Variants in RBFOX1 observed in about 807,000 individuals in gnomAD.
RBFOX1 encodes the protein RNA binding fox-1 homolog 1, also known as RNA binding protein fox-1 homolog 1.
Under a neutral mutation model 57.7 loss-of-function variants are expected in RBFOX1, and 8 were observed. That is an observed-to-expected ratio of 0.14 (90% confidence interval 0.08 to 0.25). RBFOX1 has a LOEUF of 0.25. Among genes scored for constraint, RBFOX1 ranks in the 10% least tolerant of loss-of-function variants. RBFOX1 has a pLI of 1.00. For synonymous variants in RBFOX1, 326 were observed against 222.4 expected (o/e 1.47, Z -4.15); for missense variants, 611 against 548.5 (o/e 1.11, Z -1.14).
intron 3 of RBFOX1, among the ~76,000 whole-genome samples, chr16:6,786,317 C>T (rs973190700): frequency 6.6e-5 from 10 of 152,138 alleles, no homozygotes; most frequent in Non-Finnish European, 1.3e-4. Flanking sequence ...ATTCTTCCCA[C>T]ATTACAAAGG....
chr16:5,693,333 A>C (rs944324506), intron 3 of RBFOX1, among the ~76,000 whole-genome samples: 12 of 150,714 alleles, frequency 8.0e-5, no homozygotes, highest in East Asian at 5.9e-4. Context: ...GTTTACAAAT[A>C]GTATGACTAT....
chr16:5,738,653 A>AAG (rs2052667455), intron 3 of RBFOX1, among the ~76,000 whole-genome samples: 1 of 151,702 alleles, frequency 6.6e-6, no homozygotes, highest in South Asian at 2.1e-4. Flanking sequence ...AAAAAAAAAA[A>AAG]AAGGGAAATC....
At chr16:6,819,961 C>T (rs563801010) in intron 3 of RBFOX1, among the ~76,000 whole-genome samples, 1 of 152,208 alleles carries the variant, frequency 6.6e-6, no homozygotes, top group East Asian at 1.9e-4. Flanking sequence ...TTTCACTCAT[C>T]CTCTGGCTGT....
At chr16:5,587,570 A>G (rs1317634861) in intron 2 of RBFOX1, among the ~76,000 whole-genome samples, 3 of 152,152 alleles carry the variant, frequency 2.0e-5, no homozygotes, top group East Asian at 1.9e-4. Flanking sequence ...AAAATTGGCC[A>G]GGCCTGGTGG....
chr16:5,534,647 C>A (rs142896981), intron 2 of RBFOX1, among the ~76,000 whole-genome samples: 1 of 152,252 alleles, frequency 6.6e-6, no homozygotes, highest in East Asian at 1.9e-4. Flanking sequence ...TGCTGGCATC[C>A]GATTAGATGG....
chr16:5,656,533 A>G (rs930181126), intron 3 of RBFOX1, among the ~76,000 whole-genome samples: 2 of 152,344 alleles, frequency 1.3e-5, no homozygotes, highest in East Asian at 1.9e-4. Context: ...CTGTGAAACC[A>G]TCACCACATC....
chr16:6,999,411 C>G (rs1403519416), intron 3 of RBFOX1, among the ~76,000 whole-genome samples: 1 of 150,822 alleles, frequency 6.6e-6, no homozygotes, highest in African/African-American at 2.4e-5. Flanking sequence ...TTTGGTGATA[C>G]TTAAACTCAT....
At chr16:6,564,407 C>T (rs918241053) in intron 2 of RBFOX1, among the ~76,000 whole-genome samples, 3 of 152,108 alleles carry the variant, frequency 2.0e-5, no homozygotes, top group Non-Finnish European at 4.4e-5. Context: ...TTGCAGTGAG[C>T]CGAGATCGTG....
At position 6,302,865 on chromosome 16, in the gene RBFOX1, C is replaced by A. The variant is rs190280706; in HGVS notation, c.-126-14130C>A. 3.5e-4 allele frequency among the ~76,000 whole-genome samples: 53 copies of A among 152,082 alleles called. No individual in the cohort carries two copies. The East Asian group carries it at 9.5e-3, about 27-fold the overall frequency. ...TATTTTTAAGACATTTTTCAGAATA[C>A]TAAGGGAGGGTTTTTAGGTATAAAG... is the stretch of plus-strand genomic sequence containing the variant. On this transcript the variant is annotated intron_variant, in intron 1 of 15. Coordinates refer to ENST00000550418, the MANE Select transcript of RBFOX1 (RefSeq NM_018723.4).
intron 1 of RBFOX1, among the ~76,000 whole-genome samples, chr16:5,271,800 CTG>C (rs1186891857): frequency 2.0e-5 from 3 of 152,206 alleles, no homozygotes; most frequent in African/African-American, 7.2e-5. Flanking sequence ...CTCTCTATTT[CTG>C]TGAGTTCAAC....
chr16:5,673,491 C>T (rs562308005), intron 3 of RBFOX1, among the ~76,000 whole-genome samples: 1 of 152,294 alleles, frequency 6.6e-6, no homozygotes, highest in South Asian at 2.1e-4. Flanking sequence ...AGTCCATTTC[C>T]ATGTTCAAGC....
At chr16:7,508,890 G>A (rs910412545) in intron 4 of RBFOX1, among the ~76,000 whole-genome samples, 12 of 152,220 alleles carry the variant, frequency 7.9e-5, no homozygotes, top group African/African-American at 2.9e-4. Flanking sequence ...GAGCCTTGGT[G>A]ATAAGCAGCT....
chr16:5,411,849 C>A (rs1319635320), intron 1 of RBFOX1, among the ~76,000 whole-genome samples: 1 of 152,084 alleles, frequency 6.6e-6, no homozygotes, highest in African/African-American at 2.4e-5. Context: ...CACCACTGCA[C>A]TCCAGCCTGG....
intron 3 of RBFOX1, among the ~76,000 whole-genome samples, chr16:5,716,038 A>G (rs2051686408): frequency 6.6e-6 from 1 of 152,214 alleles, no homozygotes; most frequent in East Asian, 1.9e-4. Context: ...GAATAAGGAT[A>G]ATATTTTAAA....
At position 7,034,853 on chromosome 16, in the gene RBFOX1, T is replaced by TTTTTTTTATTTA. The variant is rs2153697315; in HGVS notation, c.-15-17197_-15-17196insATTTATTTTTTT. On this transcript the variant is annotated intron_variant, in intron 3 of 15. Transcript: ENST00000550418. ...TTTTTTTTTTTTTCTTTTTTCTTTT[T>TTTTTTTTATTTA]TTTTTTTTTTTTTGAGATGGAGTCC... Among the ~76,000 whole-genome samples the TTTTTTTTATTTA allele has an allele frequency of 3.1e-5, 2 of 65,246 alleles. 1 individual carries two copies. Among genetic ancestry groups the TTTTTTTTATTTA allele is most frequent in the African/African-American group, 1.5e-4 (2 of 13,432 alleles). The allele number at this position is 65,246 out of a possible 152,430, so 42.8% of individuals were successfully genotyped here. A position where few individuals can be genotyped will look rare whatever the true frequency, so the allele number is the denominator to read the frequency against.
At chr16:6,517,847 C>T (rs150729803) in intron 2 of RBFOX1, among the ~76,000 whole-genome samples, 19 of 152,034 alleles carry the variant, frequency 1.2e-4, no homozygotes, top group African/African-American at 4.1e-4. Context: ...AGTACATAAC[C>T]AGAGATTGTA....
intron 2 of RBFOX1, among the ~76,000 whole-genome samples, chr16:6,385,680 C>G (rs1043923774): frequency 3.3e-5 from 5 of 152,236 alleles, no homozygotes; most frequent in African/African-American, 4.8e-5. Flanking sequence ...AACAAACCTA[C>G]TTTCTAACAC....
At chr16:5,996,759 A>G (rs1215913538) in intron 4 of RBFOX1, among the ~76,000 whole-genome samples, 2 of 152,088 alleles carry the variant, frequency 1.3e-5, no homozygotes, top group Non-Finnish European at 2.9e-5. Flanking sequence ...CCTGCAGGAA[A>G]TCTGGGGAAT....
At chr16:6,335,183 T>A (rs936288005) in intron 2 of RBFOX1, among the ~76,000 whole-genome samples, 8 of 152,226 alleles carry the variant, frequency 5.3e-5, no homozygotes, top group African/African-American at 1.9e-4. Flanking sequence ...CACTGGAATG[T>A]GTGTTAGACA....
Sources: allele counts gnomAD v4.1 joint callset (sites outside exome capture counted in the v4.1 genomes callset), GRCh38; gene constraint gnomAD v4.1.1; transcripts MANE v1.5; gene names NCBI Gene and HGNC (gene_info 2026-07-23, HGNC 2026-07-21).